COPS3: variants seen among roughly 807,000 people sequenced by gnomAD.
The protein encoded by COPS3 is COP9 signalosome subunit 3, also known as COP9 signalosome complex subunit 3.
COPS3 carries 10 observed loss-of-function variants against 58.2 expected under a neutral mutation model. The ratio of observed to expected loss-of-function variants is 0.17; its 90% CI spans 0.11 to 0.29. The LOEUF is 0.29. Among genes scored for constraint, COPS3 ranks in the 10% least tolerant of loss-of-function variants. The pLI, the probability that COPS3 is intolerant of heterozygous loss-of-function variation, is 1.00. For synonymous variants in COPS3, 187 were observed against 181.7 expected (o/e 1.03, Z -0.24); for missense variants, 333 against 510.1 (o/e 0.65, Z 3.34).
chr17:17,265,104 C>G, intron 5 of COPS3, 123 bp from the exon 6 acceptor site: 1 of 792,826 alleles, frequency 1.3e-6, no homozygotes, highest in South Asian at 1.6e-5. Flanking sequence ...ATTTTATTGA[C>G]TAAAATTATC....
In COPS3 at chr17:17,250,215, T is replaced by C. The variant is rs531474757; in HGVS notation, c.1024-1176A>G. Among the ~76,000 whole-genome samples, 7 of 152,232 alleles carry C rather than the reference T, an allele frequency of 4.6e-5. No individual in the cohort carries two copies. In the East Asian group the frequency reaches 1.4e-3, roughly 29 times the overall value. On this transcript the variant is annotated intron_variant, in intron 9 of 11. Transcript: ENST00000268717. ...TGATGTATTTGAGGTGCCCTTGCAT[T>C]TTTCAACATCAGCTGCACTGAAATA...
chr17:17,280,076 C>T (rs1180917033), intron 1 of COPS3, among the ~76,000 whole-genome samples: 2 of 151,954 alleles, frequency 1.3e-5, no homozygotes, highest in African/African-American at 2.4e-5. Flanking sequence ...ACCAGCTTGG[C>T]CAACATGGTA....
chr17:17,276,307 G>A (rs2048460042), intron 1 of COPS3, 143 bp from the exon 2 acceptor site: 2 of 1,053,280 alleles, frequency 1.9e-6, no homozygotes, highest in Non-Finnish European at 2.7e-6. Context: ...GGATCCAGAA[G>A]GACCAGAGGA....
At chr17:17,265,269 T>C (rs1331682918) in intron 5 of COPS3, among the ~76,000 whole-genome samples, 2 of 152,326 alleles carry the variant, frequency 1.3e-5, no homozygotes, top group South Asian at 2.1e-4. Flanking sequence ...GAGTGCCAAG[T>C]TGGCATTCTA....
At chr17:17,254,639 A>G (rs537663685) in intron 9 of COPS3, among the ~76,000 whole-genome samples, 233 of 151,724 alleles carry the variant, frequency 1.5e-3, no homozygotes, top group African/African-American at 5.4e-3. Context: ...GTGAAACCCC[A>G]TCTCTACTAA....
At chr17:17,250,778 T>TACA (rs1192716076) in intron 9 of COPS3, among the ~76,000 whole-genome samples, 1 of 152,220 alleles carries the variant, frequency 6.6e-6, no homozygotes, top group Non-Finnish European at 1.5e-5. Context: ...CTGGCCTACT[T>TACA]GTCTCTAGCT....
intron 9 of COPS3, 79 bp downstream of exon 9, chr17:17,254,780 A>T (rs1267213577): frequency 1.2e-6 from 1 of 855,128 alleles, no homozygotes; most frequent in African/African-American, 1.8e-5. Context: ...ACTACACTCC[A>T]GCCTGGTGAC....
chr17:17,271,881 T>TAATAATATATTA (rs2048359894), intron 2 of COPS3, among the ~76,000 whole-genome samples: 1 of 124,354 alleles, frequency 8.0e-6, no homozygotes, highest in South Asian at 2.2e-4. Context: ...CACATATGTT[T>TAATAATATATTA]AATAATATAT....
rs753348691 is a variant in COPS3 at position 17,280,548 on chromosome 17, ACAAAG to A, written c.55+579_55+583del. The A allele has an allele frequency of 1.1e-4, 142 of 1,251,226 alleles. 2 individuals are homozygous for A. The highest frequency in any genetic ancestry group is 5.0e-4 in the East Asian group (8 of 15,992). 77.5% of individuals were successfully genotyped at this position (1,251,226 alleles called of 1,614,324 possible). ...GCACTCCAGCCTCGGCTAAAAAAAA[ACAAAG>A]AAGAAGAAATGGAGTCCTACGAGCG... is the stretch of plus-strand genomic sequence containing the variant. On this transcript the variant is annotated intron_variant, in intron 1 of 11. Coordinates refer to ENST00000268717, the MANE Select transcript of COPS3 (RefSeq NM_003653.4).
intron 8 of COPS3, among the ~76,000 whole-genome samples, chr17:17,259,971 ACT>A (rs1160459026): frequency 9.9e-5 from 15 of 151,672 alleles, no homozygotes; most frequent in Non-Finnish European, 8.8e-5. Flanking sequence ...GTGACAGTGC[ACT>A]GAGGTCTGCA....
chr17:17,277,871 C>T (rs1217966883), intron 1 of COPS3, among the ~76,000 whole-genome samples: 4 of 152,170 alleles, frequency 2.6e-5, no homozygotes, highest in Non-Finnish European at 4.4e-5. Flanking sequence ...GGCTGGCTCA[C>T]ACCTGTAATC....
intron 4 of COPS3, among the ~76,000 whole-genome samples, chr17:17,269,142 C>T (rs1250069017): frequency 2.0e-5 from 3 of 152,090 alleles, no homozygotes; most frequent in Admixed American, 2.0e-4. Context: ...GCCTGGCCAA[C>T]ATGGCAAAAC....
At chr17:17,249,277 T>G (rs112237478) in intron 9 of COPS3, among the ~76,000 whole-genome samples, 4 of 152,346 alleles carry the variant, frequency 2.6e-5, no homozygotes, top group African/African-American at 9.6e-5. Flanking sequence ...CCCTTGCATT[T>G]TTGTTATTGA....
chr17:17,264,003 A>G (rs2048168336), intron 6 of COPS3, among the ~76,000 whole-genome samples: 1 of 152,210 alleles, frequency 6.6e-6, no homozygotes, highest in Admixed American at 6.5e-5. Flanking sequence ...ACGTGCTTTA[A>G]TGACACCATC....
chr17:17,268,166 T>C (rs967845658), intron 4 of COPS3, 189 bp from the exon 5 acceptor site: 1 of 786,268 alleles, frequency 1.3e-6, no homozygotes, highest in Non-Finnish European at 1.8e-6. Flanking sequence ...AGCTGTTTCT[T>C]GGAATTTTTA....
intron 2 of COPS3, among the ~76,000 whole-genome samples, chr17:17,273,914 G>A (rs902461683): frequency 6.6e-5 from 10 of 152,180 alleles, no homozygotes; most frequent in African/African-American, 2.4e-4. Flanking sequence ...CTACCCAGGA[G>A]GCTAAAGTGG....
At chr17:17,281,046 T>C in intron 1 of COPS3, 86 bp downstream of exon 1, 1 of 1,439,308 alleles carries the variant, frequency 6.9e-7, no homozygotes, top group Non-Finnish European at 9.6e-7. Flanking sequence ...CTAAAAGGGC[T>C]GTTCCAGCCG....
intron 5 of COPS3, among the ~76,000 whole-genome samples, chr17:17,266,007 T>C (rs2048213777): frequency 6.6e-6 from 1 of 152,218 alleles, no homozygotes. Flanking sequence ...TAGACATGCG[T>C]ACAAACTCAC....
At chr17:17,262,169 C>A in intron 6 of COPS3, 63 bp from the exon 7 acceptor site, 1 of 1,385,334 alleles carries the variant, frequency 7.2e-7, no homozygotes, top group Non-Finnish European at 9.9e-7. Flanking sequence ...AACAATCAAC[C>A]ACATGTATCA....
Sources: allele counts gnomAD v4.1 joint callset (sites outside exome capture counted in the v4.1 genomes callset), GRCh38; gene constraint gnomAD v4.1.1; transcripts MANE v1.5; gene names NCBI Gene and HGNC (gene_info 2026-07-23, HGNC 2026-07-21).